Variants in FBRSL1 observed in about 807,000 individuals in gnomAD.
FBRSL1 encodes fibrosin like 1, also known as fibrosin-1-like protein.
FBRSL1 carries 51 observed loss-of-function variants against 89.6 expected under a neutral mutation model. That is an observed-to-expected ratio of 0.57 (90% CI 0.45 to 0.72). FBRSL1 has a LOEUF of 0.72. FBRSL1 is among the 30% of genes least tolerant of loss of function. FBRSL1 has a pLI of 0.00. For missense variants in FBRSL1, 1,618 were observed against 1,451.8 expected (o/e 1.11, Z -1.86); for synonymous variants, 779 against 681.1 (o/e 1.14, Z -2.24).
chr12:132,527,531 C>G lies in FBRSL1; in HGVS notation c.580-422C>G, dbSNP rs147430961. ...GTGGCCCCTGCCTGAGAGGATGTCT[C>G]GCTGGTGGTCTTGGGTCTGGGCATC... On this transcript the variant is annotated intron_variant, in intron 3 of 18. Transcript: ENST00000680143. 1.1e-3 allele frequency among the ~76,000 whole-genome samples: 168 copies of G among 152,354 alleles called. 1 individual carries two copies. The highest frequency in any genetic ancestry group is 4.0e-3 in the African/African-American group (167 of 41,586).
At chr12:132,537,333 G>A (rs1470467264) in intron 4 of FBRSL1, among the ~76,000 whole-genome samples, 1 of 152,138 alleles carries the variant, frequency 6.6e-6, no homozygotes, top group Non-Finnish European at 1.5e-5. Flanking sequence ...AGGTGGCTGA[G>A]GTGGGTGCTT....
At position 132,576,912 on chromosome 12, in the gene FBRSL1, G is replaced by T. The variant is rs1257303454; in HGVS notation, c.1815G>T (p.Arg605=). Residue 605 remains arginine, a synonymous_variant, in exon 15 of 19, where the codon CGG becomes CGT. Transcript: ENST00000680143. ...TCCACTACCCACAGGACCTGGCCCG[G>T]CCCCTCTTCCCCAGCACAGGTGAGA... ...AGFHYPQDLA[R]PLFPSTGAAH... is the part of the protein sequence containing the mutation. The T allele has an allele frequency of 5.8e-5, 90 of 1,549,804 alleles. No individual in the cohort carries two copies. In the East Asian group the frequency reaches 2.2e-3, roughly 37 times the overall value.
At chr12:132,491,020 G>C (rs1452140486) in intron 1 of FBRSL1, among the ~76,000 whole-genome samples, 159 bp downstream of exon 1, 1 of 152,226 alleles carries the variant, frequency 6.6e-6, no homozygotes, top group Non-Finnish European at 1.5e-5. Flanking sequence ...GGGACCCTGG[G>C]TGCCCACCGC....
chr12:132,548,994 C>T (rs577991914), intron 5 of FBRSL1, among the ~76,000 whole-genome samples: 5 of 152,148 alleles, frequency 3.3e-5, no homozygotes, highest in African/African-American at 1.2e-4. Flanking sequence ...CACTGTGGCC[C>T]GTGGCCTGGC....
At position 132,519,161 on chromosome 12, in the gene FBRSL1, G is replaced by C. The variant is rs1004907941; in HGVS notation, c.490-6573G>C. ...GTCCCTGTTTACTGTGTCTGCCTGT[G>C]CTAGGTAGGCAAGGATAAAAGACAG... On this transcript the variant is annotated intron_variant, in intron 2 of 18. Coordinates refer to ENST00000680143, the MANE Select transcript of FBRSL1 (RefSeq NM_001367871.1). Among the ~76,000 whole-genome samples, 5 of 152,378 alleles carry C rather than the reference G, an allele frequency of 3.3e-5. 1 individual carries two copies. The South Asian group carries it at 1.0e-3, about 32-fold the overall frequency.
Position 132,570,580 on chromosome 12 carries a change from G to T in FBRSL1, c.1213+40G>T, listed in dbSNP as rs1324295497. 7 of 1,393,792 alleles carry T rather than the reference G, an allele frequency of 5.0e-6. No homozygotes were observed. The South Asian group carries it at 1.0e-4, about 20-fold the overall frequency. 86.3% of individuals were successfully genotyped at this position (1,393,792 alleles called of 1,614,324 possible). A position where few individuals can be genotyped will look rare whatever the true frequency, so the allele number is the denominator to read the frequency against. On this transcript the variant is annotated intron_variant, in intron 8 of 18. Coordinates refer to ENST00000680143, the MANE Select transcript of FBRSL1 (RefSeq NM_001367871.1). Reference sequence around the variant, plus strand: ...CACAATCTCGCCCAGGGCAGGGGTTGGGGGGTGCGGGGACACGGCCACCGG... The same window carrying T: ...CACAATCTCGCCCAGGGCAGGGGTTTGGGGGTGCGGGGACACGGCCACCGG...
intron 5 of FBRSL1, among the ~76,000 whole-genome samples, chr12:132,558,902 C>T (rs1231942994): frequency 6.6e-6 from 1 of 152,242 alleles, no homozygotes; most frequent in African/African-American, 2.4e-5. Context: ...CTGCCAGCCA[C>T]GCAGCAGCTT....
At chr12:132,510,425 A>G (rs2034203185) in intron 2 of FBRSL1, 1 of 1,231,826 alleles carries the variant, frequency 8.1e-7, no homozygotes, top group Non-Finnish European at 1.0e-6. Context: ...GTCAGGCCCC[A>G]TCTGTGAGCC....
intron 1 of FBRSL1, among the ~76,000 whole-genome samples, chr12:132,491,552 A>T (rs1026247530): frequency 6.6e-6 from 1 of 152,198 alleles, no homozygotes; most frequent in Non-Finnish European, 1.5e-5. Context: ...CAGGGCCGAG[A>T]CCCGCCCAGC....
intron 15 of FBRSL1, chr12:132,581,227 TGC>T: frequency 1.0e-6 from 1 of 984,798 alleles, no homozygotes. Context: ...CCAGGATGGC[TGC>T]CACTGCGGCT....
At position 132,571,172 on chromosome 12, in the gene FBRSL1, C is replaced by T; in HGVS notation, c.1318C>T (p.Leu440=). The part of the protein sequence containing the change: ...WSQAPLLPAP[L]GPHVASGHPG... ...ACAGGCTCCTCTCTTACCTGCACCCCTGGGCCCGCACGTGGCGAGCGGCCA... is the reference window on the plus strand; with the variant it reads ...ACAGGCTCCTCTCTTACCTGCACCCTTGGGCCCGCACGTGGCGAGCGGCCA... The change falls in exon 9 of 19, where the codon CTG becomes TTG. Residue 440 remains leucine (L), a synonymous_variant. Transcript: ENST00000680143. 7.0e-7 allele frequency: 1 copy of T among 1,426,306 alleles called. No homozygotes were observed. The highest frequency in any genetic ancestry group is 1.5e-5 in the South Asian group (1 of 66,404). The allele number at this position is 1,426,306 out of a possible 1,614,324, so 88.4% of individuals were successfully genotyped here. A position where few individuals can be genotyped will look rare whatever the true frequency, so the allele number is the denominator to read the frequency against.
At chr12:132,516,013 A>G (rs1566127146) in intron 2 of FBRSL1, among the ~76,000 whole-genome samples, 1 of 152,178 alleles carries the variant, frequency 6.6e-6, no homozygotes, top group Non-Finnish European at 1.5e-5. Context: ...CAATCAGAAA[A>G]AGAAAACACA....
chr12:132,513,086 A>G (rs1313123188), intron 2 of FBRSL1, among the ~76,000 whole-genome samples: 1 of 152,250 alleles, frequency 6.6e-6, no homozygotes, highest in African/African-American at 2.4e-5. Flanking sequence ...TCGTGTGGCC[A>G]GATCTTTGAT....
chr12:132,570,348 G>GC lies in FBRSL1; in HGVS notation c.1027dup (p.Leu343ProfsTer119). 3 of 1,531,022 alleles carry GC rather than the reference G, an allele frequency of 2.0e-6. No homozygotes were observed. Among genetic ancestry groups the GC allele is most frequent in the Non-Finnish European group, 2.6e-6 (3 of 1,144,218 alleles). The allele number at this position is 1,531,022 out of a possible 1,614,324, so 94.8% of individuals were successfully genotyped here. On this transcript the variant is annotated frameshift_variant, in exon 8 of 19. Transcript: ENST00000680143. LOFTEE classifies it high-confidence loss of function. ...CGTGTCCCGCAGCAGGAGCAGCAGCGCCCCCCTGGGCCTGGGGAAGCACGT... is the reference window on the plus strand; with the variant it reads ...CGTGTCCCGCAGCAGGAGCAGCAGCGCCCCCCCTGGGCCTGGGGAAGCACGT...
At chr12:132,552,917 G>C (rs1327116701) in intron 5 of FBRSL1, 3 of 158,028 alleles carry the variant, frequency 1.9e-5, no homozygotes. Context: ...GGGGTCCTGG[G>C]AAATTTCAAC....
chr12:132,495,828 G>C (rs925625036), intron 1 of FBRSL1, among the ~76,000 whole-genome samples: 2 of 152,246 alleles, frequency 1.3e-5, no homozygotes, highest in African/African-American at 4.8e-5. Context: ...GGGGCCAGCA[G>C]CTCCTCAGGC....
intron 1 of FBRSL1, among the ~76,000 whole-genome samples, chr12:132,500,120 A>C (rs1476324842): frequency 1.3e-5 from 2 of 151,824 alleles, no homozygotes; most frequent in Admixed American, 1.3e-4. Context: ...TGCCCTCTAG[A>C]CTCTGCGGGA....
In FBRSL1 at chr12:132,556,875, C is replaced by T. The variant is rs560321729; in HGVS notation, c.645+8843C>T. 3.3e-5 allele frequency among the ~76,000 whole-genome samples: 5 copies of T among 150,364 alleles called. 1 individual carries two copies. The highest frequency in any genetic ancestry group is 6.7e-5 in the Admixed American group (1 of 14,970). The stretch of plus-strand genomic sequence containing the variant: ...TGTGCTGCCCCCCAAACCCCCGTCC[C>T]GTGGGAGGTTCCTCTCCAGGCGTGA... On this transcript the variant is annotated intron_variant, in intron 5 of 18. Coordinates refer to ENST00000680143, the MANE Select transcript of FBRSL1 (RefSeq NM_001367871.1).
chr12:132,555,570 CG>C, intron 5 of FBRSL1, among the ~76,000 whole-genome samples: 1 of 152,278 alleles, frequency 6.6e-6, no homozygotes, highest in South Asian at 2.1e-4. Flanking sequence ...CGAGCGTGAG[CG>C]TGGGGGCCAC....
Sources: gnomAD v4.1 joint callset for allele counts (sites outside exome capture counted in the v4.1 genomes callset) on GRCh38, gnomAD v4.1.1 for gene constraint, MANE v1.5 for transcripts, NCBI Gene and HGNC (gene_info 2026-07-23, HGNC 2026-07-21) for gene names.